PCDH9: variants seen among roughly 807,000 people sequenced by gnomAD.
PCDH9 encodes the protein protocadherin 9, also known as protocadherin-9.
A neutral mutation model predicts 70.6 loss-of-function variants in PCDH9; 24 were observed. That is an observed-to-expected ratio of 0.34 (90% confidence interval 0.25 to 0.48). PCDH9 has a LOEUF of 0.48. Among genes scored for constraint, PCDH9 ranks in the 20% least tolerant of loss-of-function variants. PCDH9 has a pLI of 0.99. For missense variants in PCDH9, 1,281 were observed against 1,503.6 expected, an observed-to-expected ratio of 0.85 and a Z score of 2.45; for synonymous variants, 562 against 558.5, an observed-to-expected ratio of 1.01 and a Z score of -0.09.
chr13:66,328,341 C>T (rs879373430), intron 4 of PCDH9, among the ~76,000 whole-genome samples: 3 of 152,050 alleles, frequency 2.0e-5, no homozygotes, highest in African/African-American at 4.8e-5. Flanking sequence ...TTTAAACTAA[C>T]GATTACCTTG....
At chr13:67,156,846 C>CG (rs1377743275) in intron 2 of PCDH9, among the ~76,000 whole-genome samples, 6 of 152,118 alleles carry the variant, frequency 3.9e-5, no homozygotes, top group African/African-American at 1.4e-4. Context: ...CACAGCCTGC[C>CG]GTCTGTATGC....
At chr13:67,047,598 C>T (rs1199382866) in intron 2 of PCDH9, among the ~76,000 whole-genome samples, 2 of 152,158 alleles carry the variant, frequency 1.3e-5, no homozygotes. Context: ...CACCATGAGA[C>T]ATTCTTGATA....
chr13:67,174,488 T>G (rs2088391741), intron 2 of PCDH9, among the ~76,000 whole-genome samples: 1 of 152,178 alleles, frequency 6.6e-6, no homozygotes, highest in Admixed American at 6.5e-5. Context: ...ATTTATCTGT[T>G]CATTGAACTG....
intron 4 of PCDH9, among the ~76,000 whole-genome samples, chr13:66,440,177 A>C (rs1957947060): frequency 6.6e-6 from 1 of 152,182 alleles, no homozygotes; most frequent in Non-Finnish European, 1.5e-5. Flanking sequence ...TGTTGGTGTA[A>C]GCATGTGCTT....
chr13:67,178,394 A>G (rs2088523599), intron 2 of PCDH9, among the ~76,000 whole-genome samples: 1 of 152,124 alleles, frequency 6.6e-6, no homozygotes, highest in Admixed American at 6.6e-5. Flanking sequence ...GATATTTAGC[A>G]CACAATAACT....
chr13:66,790,920 A>G (rs1440340380), intron 3 of PCDH9, among the ~76,000 whole-genome samples: 2 of 152,092 alleles, frequency 1.3e-5, no homozygotes, highest in African/African-American at 4.8e-5. Flanking sequence ...TCTCTGTAGG[A>G]GTTACATTTC....
At chr13:67,141,415 T>TTCTC (rs540110973) in intron 2 of PCDH9, among the ~76,000 whole-genome samples, 3 of 150,600 alleles carry the variant, frequency 2.0e-5, no homozygotes, top group African/African-American at 7.3e-5. Context: ...TAGTAAGATC[T>TTCTC]TCTCTCTCTC....
chr13:66,756,747 GAATT>G (rs2079543524), intron 3 of PCDH9, among the ~76,000 whole-genome samples: 1 of 152,082 alleles, frequency 6.6e-6, no homozygotes, highest in Non-Finnish European at 1.5e-5. Flanking sequence ...TACAATAATG[GAATT>G]GTAGCTGGGG....
intron 3 of PCDH9, among the ~76,000 whole-genome samples, chr13:66,757,330 ATTTC>A (rs1459442440): frequency 6.6e-6 from 1 of 152,222 alleles, no homozygotes; most frequent in Non-Finnish European, 1.5e-5. Context: ...TATGAAATAA[ATTTC>A]TTTGTTTCAC....
chr13:67,198,358 G>A (rs573974350), intron 2 of PCDH9, among the ~76,000 whole-genome samples: 68 of 151,904 alleles, frequency 4.5e-4, no homozygotes, highest in African/African-American at 1.6e-3. Flanking sequence ...ATCCTAAGGA[G>A]TCTCCTTTCA....
rs189710350 is a variant in PCDH9 at position 66,459,363 on chromosome 13, T to C, written c.3341-154335A>G. On this transcript the variant is annotated intron_variant, in intron 4 of 4. Transcript: ENST00000377865. The stretch of plus-strand genomic sequence containing the variant: ...GTAGCATTGTCAGCATTTATAACAT[T>C]GGGTAAGATCTCCGGATGAAAAACA... Among the ~76,000 whole-genome samples the C allele has an allele frequency of 1.4e-3, 210 of 152,140 alleles. 2 individuals carry two copies. The highest frequency in any genetic ancestry group is 1.1e-3 in the Non-Finnish European group (75 of 67,942).
chr13:66,346,571 T>C (rs1408367070), intron 4 of PCDH9, among the ~76,000 whole-genome samples: 1 of 152,180 alleles, frequency 6.6e-6, no homozygotes, highest in Non-Finnish European at 1.5e-5. Flanking sequence ...TATAAACCCA[T>C]CCATCACAAT....
chr13:66,810,167 C>T (rs2080478887), intron 3 of PCDH9, among the ~76,000 whole-genome samples: 1 of 151,982 alleles, frequency 6.6e-6, no homozygotes, highest in African/African-American at 2.4e-5. Context: ...GTATATTAGC[C>T]TTTTTTCTGT....
Position 67,051,382 on chromosome 13 carries a change from A to ATTTTTTTTTTTTTTTT in PCDH9, c.3037-147793_3037-147778dup, listed in dbSNP as rs567408801. 1.8e-4 allele frequency among the ~76,000 whole-genome samples: 13 copies of ATTTTTTTTTTTTTTTT among 70,996 alleles called. 2 individuals carry two copies. The highest frequency in any genetic ancestry group is 2.0e-4 in the Non-Finnish European group (8 of 40,764). The allele number at this position is 70,996 out of a possible 152,430, so 46.6% of individuals were successfully genotyped here. A position where few individuals can be genotyped will look rare whatever the true frequency, so the allele number is the denominator to read the frequency against. On this transcript the variant is annotated intron_variant, in intron 2 of 4. Coordinates refer to ENST00000377865, the MANE Select transcript of PCDH9 (RefSeq NM_203487.3). ...CGAAATACCAGGAAAACAATACAAG[A>ATTTTTTTTTTTTTTTT]TTTTTTTTTTTTTTTTTTTTTTTTT...
intron 3 of PCDH9, among the ~76,000 whole-genome samples, chr13:66,659,409 T>C (rs2077975319): frequency 6.6e-6 from 1 of 152,148 alleles, no homozygotes. Flanking sequence ...TTCACTACAT[T>C]TTATATCCTT....
At chr13:66,373,545 A>G (rs901256304) in intron 4 of PCDH9, among the ~76,000 whole-genome samples, 1 of 152,068 alleles carries the variant, frequency 6.6e-6, no homozygotes, top group African/African-American at 2.4e-5. Context: ...AAAGGAAAGA[A>G]AAAATGAAAG....
intron 4 of PCDH9, among the ~76,000 whole-genome samples, chr13:66,358,544 C>T (rs951085813): frequency 2.6e-5 from 4 of 151,730 alleles, no homozygotes; most frequent in Non-Finnish European, 2.9e-5. Flanking sequence ...TTTTCATCTA[C>T]GGAAAACTTT....
At chr13:66,719,095 A>C (rs2078908071) in intron 3 of PCDH9, among the ~76,000 whole-genome samples, 1 of 152,218 alleles carries the variant, frequency 6.6e-6, no homozygotes. Flanking sequence ...CACATATTTT[A>C]ATAATCAATC....
At chr13:66,810,485 G>A (rs1271258513) in intron 3 of PCDH9, among the ~76,000 whole-genome samples, 1 of 151,920 alleles carries the variant, frequency 6.6e-6, no homozygotes, top group Non-Finnish European at 1.5e-5. Flanking sequence ...AAAATATAGA[G>A]CTTATAATAT....
Sources: allele counts gnomAD v4.1 joint callset (sites outside exome capture counted in the v4.1 genomes callset), GRCh38; gene constraint gnomAD v4.1.1; transcripts MANE v1.5; gene names NCBI Gene and HGNC (gene_info 2026-07-23, HGNC 2026-07-21).